The following TENM3 variants were observed in gnomAD, a reference collection of about 807,000 sequenced individuals.
TENM3 encodes the protein teneurin-3.
TENM3 carries 63 observed loss-of-function variants against 255.1 expected under a neutral mutation model. That is an observed-to-expected ratio of 0.25 (90% CI 0.20 to 0.30). TENM3 has a LOEUF of 0.30. TENM3 is among the 10% of genes least tolerant of loss of function. The pLI, the probability that TENM3 is intolerant of heterozygous loss-of-function variation, is 1.00. For synonymous variants in TENM3, 1,306 were observed against 1,322.3 expected (o/e 0.99, Z 0.27); for missense variants, 2,929 against 3,461.1 (o/e 0.85, Z 3.86).
At chr4:181,975,504 C>T in the TENM3 span, 2 of 152,150 alleles carry the variant, frequency 1.3e-5, no homozygotes, top group Non-Finnish European at 2.9e-5. Context: ...TTGGTGGACA[C>T]TTAGGTTGGT....
chr4:181,653,209 T>C, the TENM3 span, among the ~76,000 whole-genome samples: 1 of 152,174 alleles, frequency 6.6e-6, no homozygotes, highest in South Asian at 2.1e-4. Flanking sequence ...GCTTCCGCAC[T>C]ATTCAGTGTC....
At chr4:182,113,350 T>G in the TENM3 span, among the ~76,000 whole-genome samples, 2 of 152,016 alleles carry the variant, frequency 1.3e-5, no homozygotes, top group African/African-American at 2.4e-5. Context: ...ACAATTGAAA[T>G]GCGTCTACAA....
chr4:181,473,860 T>A, the TENM3 span, among the ~76,000 whole-genome samples: 60 of 142,866 alleles, frequency 4.2e-4, no homozygotes, highest in African/African-American at 1.4e-3. Flanking sequence ...GTATATATTC[T>A]GTGTATAAAA....
intron 1 of TENM3, among the ~76,000 whole-genome samples, chr4:182,246,898 C>T (rs1757690033): frequency 1.3e-5 from 2 of 152,022 alleles, no homozygotes; most frequent in Non-Finnish European, 1.5e-5. Flanking sequence ...GAGACTAAAA[C>T]GAGAGATGAG....
At position 182,754,025 on chromosome 4, in the gene TENM3, A is replaced by G. The variant is rs149101324; in HGVS notation, c.4018-360A>G. On this transcript the variant is annotated intron_variant, in intron 21 of 27. Coordinates refer to ENST00000511685, the MANE Select transcript of TENM3 (RefSeq NM_001080477.4). This position sits in a 1 kb window ranked among gnomAD's most constrained non-coding sequence, Gnocchi z 5.1. ...CTGTTGGCCTGATTGAAAACACAATAGAATACTAATCTATTCATAACCTAG... is the reference window on the plus strand; with the variant it reads ...CTGTTGGCCTGATTGAAAACACAATGGAATACTAATCTATTCATAACCTAG... Among the ~76,000 whole-genome samples, 483 of 152,316 alleles carry G rather than the reference A, an allele frequency of 3.2e-3. 2 individuals carry two copies. The highest frequency in any genetic ancestry group is 0.011 in the African/African-American group (454 of 41,580).
chr4:182,412,015 A>C (rs953129162), intron 3 of TENM3, among the ~76,000 whole-genome samples: 3 of 152,234 alleles, frequency 2.0e-5, no homozygotes, highest in Non-Finnish European at 4.4e-5. Flanking sequence ...CTACAGGATG[A>C]TGAGGGCTAA....
chr4:181,945,878 C>T, the TENM3 span, among the ~76,000 whole-genome samples: 5 of 152,152 alleles, frequency 3.3e-5, no homozygotes, highest in South Asian at 8.3e-4. Flanking sequence ...CACAAGCACA[C>T]GTGCACATAC....
chr4:182,237,994 A>C (rs957364339), intron 1 of TENM3, among the ~76,000 whole-genome samples: 2 of 152,218 alleles, frequency 1.3e-5, no homozygotes, highest in African/African-American at 2.4e-5. Context: ...TAGCTACCAC[A>C]ACCAAAATAT....
intron 4 of TENM3, among the ~76,000 whole-genome samples, chr4:182,617,207 G>A (rs17258562): frequency 0.21 from 31,260 of 152,122 alleles, 3,741 homozygotes; most frequent in Non-Finnish European, 0.27. Flanking sequence ...GATATTTAAT[G>A]AATGCCCAAT....
chr4:182,796,016 C>G (rs960930881), intron 26 of TENM3, among the ~76,000 whole-genome samples: 7 of 152,200 alleles, frequency 4.6e-5, no homozygotes, highest in Non-Finnish European at 1.0e-4. Context: ...TCCGGGTTCT[C>G]TCCCCAAAAA....
the TENM3 span, among the ~76,000 whole-genome samples, chr4:182,129,803 G>C: frequency 6.6e-6 from 1 of 152,098 alleles, no homozygotes; most frequent in Non-Finnish European, 1.5e-5. Context: ...TGTTTTAAAA[G>C]CATCTTCCTT....
At chr4:181,479,713 CT>C in the TENM3 span, among the ~76,000 whole-genome samples, 4 of 152,050 alleles carry the variant, frequency 2.6e-5, no homozygotes, top group African/African-American at 9.7e-5. Context: ...AGATAAACAT[CT>C]TTTGAACTGT....
the TENM3 span, among the ~76,000 whole-genome samples, chr4:181,973,714 C>T: frequency 6.6e-6 from 1 of 152,158 alleles, no homozygotes; most frequent in African/African-American, 2.4e-5. Context: ...TGAGCCATGA[C>T]TGTGCCACTG....
At chr4:181,939,789 C>T in the TENM3 span, among the ~76,000 whole-genome samples, 2 of 152,188 alleles carry the variant, frequency 1.3e-5, no homozygotes, top group Non-Finnish European at 1.5e-5. Context: ...GAGAGGTGTC[C>T]GCTGCCTCCT....
chr4:182,769,516 G>A (rs113644968), intron 22 of TENM3, among the ~76,000 whole-genome samples: 6,072 of 152,278 alleles, frequency 0.04, 375 homozygotes, highest in African/African-American at 0.14. Context: ...GGGCGTGGTG[G>A]CTCACGCCTG....
chr4:181,829,666 A>C, the TENM3 span, among the ~76,000 whole-genome samples: 1 of 152,312 alleles, frequency 6.6e-6, no homozygotes, highest in Non-Finnish European at 1.5e-5. Context: ...AAAGTGTAGC[A>C]GATGCTGCTG....
Position 182,601,070 on chromosome 4 carries a change from G to A in TENM3, c.658G>A (p.Ala220Thr), listed in dbSNP as rs1477991420. The A allele has an allele frequency of 1.9e-6, 3 of 1,613,730 alleles. No individual in the cohort carries two copies. Among genetic ancestry groups the A allele is most frequent in the Non-Finnish European group, 2.5e-6 (3 of 1,179,826 alleles). The change falls in exon 4 of 28, where the codon GCT becomes ACT. Residue 220 changes from alanine (A) to threonine (T), a missense_variant. Ala to Thr is a moderately conservative substitution (Grantham distance 58, BLOSUM62 0). This residue lies in a region of TENM3 where 1,608 missense variants were observed against 1,884.4 expected (regional missense o/e 0.85). Coordinates refer to ENST00000511685, the MANE Select transcript of TENM3 (RefSeq NM_001080477.4). The stretch of plus-strand genomic sequence containing the variant: ...AAGGAACCAGAGTCCGGCCCCGCCG[G>A]CTGCTTTGCCCGCCGAGCTGCAAAC... The part of the protein sequence containing the change: ...NRRNQSPAPP[A>T]ALPAELQTTP...
chr4:182,241,070 A>G (rs1008366154), upstream of TENM3, among the ~76,000 whole-genome samples: 5 of 152,140 alleles, frequency 3.3e-5, no homozygotes, highest in Admixed American at 1.3e-4. Flanking sequence ...TTTTTTCCAC[A>G]TGGTCCCCTT....
At chr4:181,480,356 TA>T in the TENM3 span, among the ~76,000 whole-genome samples, 26 of 152,110 alleles carry the variant, frequency 1.7e-4, no homozygotes, top group Non-Finnish European at 3.4e-4. Context: ...AAATGTGTTG[TA>T]AAAAACTAAA....
Sources: gnomAD v4.1 joint callset for allele counts (sites outside exome capture counted in the v4.1 genomes callset) on GRCh38, gnomAD v4.1.1 for gene constraint, gnomAD v4.1.1 regional missense constraint, Gnocchi (gnomAD v3.1) non-coding constraint, MANE v1.5 for transcripts, NCBI Gene and HGNC (gene_info 2026-07-23, HGNC 2026-07-21) for gene names.